The following MLLT3 variants were observed in gnomAD, a reference collection of about 807,000 sequenced individuals.
MLLT3 encodes protein AF-9.
In MLLT3, 4 loss-of-function variants were observed where a neutral mutation model predicts 53.2. That is an observed-to-expected ratio of 0.08 (90% CI 0.04 to 0.17). The LOEUF (loss-of-function observed/expected upper bound fraction) is 0.17. Ranked by LOEUF, MLLT3 falls within the 10% of genes least tolerant of loss-of-function variation. MLLT3 has a pLI of 1.00. For missense variants in MLLT3, 569 were observed against 684.0 expected (o/e 0.83, Z 1.87); for synonymous variants, 283 against 230.6 (o/e 1.23, Z -2.06).
intron 2 of MLLT3, among the ~76,000 whole-genome samples, chr9:20,482,188 G>C (rs564665441): frequency 5.9e-5 from 9 of 152,300 alleles, no homozygotes; most frequent in African/African-American, 2.2e-4. Context: ...CTAAGTTCCT[G>C]CATTAGACCC....
chr9:20,621,509 A>AC lies in MLLT3; in HGVS notation c.13-676dup, dbSNP rs1213308037. ...GCATCCATAACTTAGAGCACCCCGC[A>AC]CCCCCCAGCGAAAAGCCCCACGCGA... is the stretch of plus-strand genomic sequence containing the variant. On this transcript the variant is annotated intron_variant, in intron 1 of 10. Transcript: ENST00000380338. This position sits in a 1 kb window ranked among gnomAD's most constrained non-coding sequence, Gnocchi z 7.0. Among the ~76,000 whole-genome samples, 1 of 149,550 alleles carries AC rather than the reference A, an allele frequency of 6.7e-6. No homozygotes were observed. Among genetic ancestry groups the AC allele is most frequent in the Non-Finnish European group, 1.5e-5 (1 of 67,272 alleles).
At chr9:20,565,924 ATATATATATATATT>A (rs1209876005) in intron 2 of MLLT3, among the ~76,000 whole-genome samples, 5,465 of 28,280 alleles carry the variant, frequency 0.19, 190 homozygotes, top group African/African-American at 0.27. Context: ...ATATATATTT[ATATATATATATATT>A]TATATATATA....
At chr9:20,354,939 C>A (rs1821126327) in intron 8 of MLLT3, 60 bp from the exon 9 acceptor site, 1 of 1,231,860 alleles carries the variant, frequency 8.1e-7, no homozygotes, top group African/African-American at 1.5e-5. Context: ...AGCTAACCAG[C>A]CACCTAAACA....
chr9:20,465,306 C>T (rs1296163397), intron 2 of MLLT3, among the ~76,000 whole-genome samples: 2 of 152,124 alleles, frequency 1.3e-5, no homozygotes, highest in Non-Finnish European at 2.9e-5. Context: ...AACGTATATT[C>T]ACCTTAAAAG....
chr9:20,347,942 T>TA (rs914576189), intron 10 of MLLT3, among the ~76,000 whole-genome samples: 8 of 152,220 alleles, frequency 5.3e-5, no homozygotes, highest in Admixed American at 3.9e-4. Context: ...AGCTTTCTTT[T>TA]AAAAAATACA....
intron 4 of MLLT3, among the ~76,000 whole-genome samples, chr9:20,431,733 C>G (rs1823275662): frequency 6.6e-6 from 1 of 152,102 alleles, no homozygotes; most frequent in Middle Eastern, 3.4e-3. Context: ...AAGGGGTAAT[C>G]TAGATATCTA....
chr9:20,467,523 AGCCGAGATCAT>A (rs1824266333), intron 2 of MLLT3, among the ~76,000 whole-genome samples: 1 of 152,216 alleles, frequency 6.6e-6, no homozygotes, highest in South Asian at 2.1e-4. Flanking sequence ...GGCTGCTGTG[AGCCGAGATCAT>A]GCCATTGCAC....
chr9:20,363,611 T>C lies in MLLT3; in HGVS notation c.1202-6A>G, dbSNP rs1821378743. 1 of 1,612,828 alleles carries C rather than the reference T, an allele frequency of 6.2e-7. No individual in the cohort carries two copies. Among genetic ancestry groups the C allele is most frequent in the Non-Finnish European group, 8.5e-7 (1 of 1,179,804 alleles). ...CATTATAGACCTCAAAGGACCTGAG[T>C]AATGACAATGAACCACAGGCAATCA... is the stretch of plus-strand genomic sequence containing the variant. On this transcript the variant is annotated splice_region_variant and splice_polypyrimidine_tract_variant and intron_variant, in intron 6 of 10. Transcript: ENST00000380338.
intron 2 of MLLT3, among the ~76,000 whole-genome samples, chr9:20,456,991 G>C (rs963013693): frequency 2.0e-5 from 3 of 152,018 alleles, no homozygotes; most frequent in African/African-American, 7.2e-5. Context: ...AAGCAGATAT[G>C]TAAGTCATTT....
At chr9:20,406,061 G>A (rs760786403) in intron 5 of MLLT3, among the ~76,000 whole-genome samples, 19 of 151,804 alleles carry the variant, frequency 1.3e-4, no homozygotes, top group African/African-American at 2.2e-4. Context: ...GCAGTGAGCC[G>A]AGATTGCACC....
intron 4 of MLLT3, among the ~76,000 whole-genome samples, chr9:20,418,790 A>C (rs1822937912): frequency 6.6e-6 from 1 of 152,110 alleles, no homozygotes; most frequent in South Asian, 2.1e-4. Context: ...AGCTTCCAGG[A>C]GAGTTTCACG....
intron 2 of MLLT3, among the ~76,000 whole-genome samples, chr9:20,553,200 A>C (rs1314320183): frequency 6.6e-6 from 1 of 152,204 alleles, no homozygotes; most frequent in Admixed American, 6.5e-5. Context: ...ACTTAAAACA[A>C]AACAAAAAAG....
intron 10 of MLLT3, 38 bp from the exon 11 acceptor site, chr9:20,346,612 A>G: frequency 6.3e-7 from 1 of 1,599,922 alleles, no homozygotes; most frequent in Non-Finnish European, 8.5e-7. Flanking sequence ...GGCAATACGC[A>G]GCAAACATCA....
chr9:20,365,210 C>T (rs1298036414), intron 6 of MLLT3, among the ~76,000 whole-genome samples: 1 of 152,184 alleles, frequency 6.6e-6, no homozygotes, highest in African/African-American at 2.4e-5. Flanking sequence ...TTGCCTCGTA[C>T]ATCAGAACAA....
At chr9:20,474,948 T>G (rs934523109) in intron 2 of MLLT3, among the ~76,000 whole-genome samples, 1 of 152,032 alleles carries the variant, frequency 6.6e-6, no homozygotes, top group Admixed American at 6.6e-5. Flanking sequence ...AGGAGTAAAC[T>G]AGAGTAACTT....
At chr9:20,413,157 T>G (rs1822774022) in intron 5 of MLLT3, among the ~76,000 whole-genome samples, 1 of 152,202 alleles carries the variant, frequency 6.6e-6, no homozygotes, top group Non-Finnish European at 1.5e-5. Flanking sequence ...TTTACAGGTA[T>G]ACACAAATGT....
chr9:20,602,689 G>A (rs1335144218), intron 2 of MLLT3, among the ~76,000 whole-genome samples: 1 of 151,810 alleles, frequency 6.6e-6, no homozygotes, highest in Non-Finnish European at 1.5e-5. Flanking sequence ...CATCTTGGAG[G>A]AGTGGCAAAT....
intron 2 of MLLT3, among the ~76,000 whole-genome samples, chr9:20,540,021 A>G (rs1382864403): frequency 6.6e-6 from 1 of 152,258 alleles, no homozygotes; most frequent in African/African-American, 2.4e-5. Context: ...AACCCCAGGC[A>G]ACTCCAAAAC....
At chr9:20,526,509 T>A (rs1254604068) in intron 2 of MLLT3, among the ~76,000 whole-genome samples, 2 of 152,112 alleles carry the variant, frequency 1.3e-5, no homozygotes, top group Admixed American at 6.6e-5. Context: ...TTCTTAAGAG[T>A]CATTCACATT....
Sources: gnomAD v4.1 joint callset for allele counts (sites outside exome capture counted in the v4.1 genomes callset) on GRCh38, gnomAD v4.1.1 for gene constraint, Gnocchi (gnomAD v3.1) non-coding constraint, MANE v1.5 for transcripts, NCBI Gene and HGNC (gene_info 2026-07-23, HGNC 2026-07-21) for gene names.